The following CXXC4 variants were observed in gnomAD, a reference collection of about 807,000 sequenced individuals.
The protein encoded by CXXC4 is CXXC finger protein 4.
In CXXC4, 5 loss-of-function variants were observed where a neutral mutation model predicts 20.5. The observed-to-expected ratio is 0.24, with a 90% confidence interval of 0.13 to 0.51. CXXC4 has a LOEUF of 0.51. CXXC4 is among the 20% of genes least tolerant of loss of function. The pLI is 0.97. For missense variants in CXXC4, 419 were observed against 496.4 expected (o/e 0.84, Z 1.48); for synonymous variants, 250 against 216.4 (o/e 1.16, Z -1.36).
intron 2 of CXXC4, among the ~76,000 whole-genome samples, chr4:104,480,952 AT>A (rs1248631686): frequency 1.3e-5 from 2 of 149,070 alleles, no homozygotes; most frequent in African/African-American, 5.0e-5. Context: ...CTTTCTTCCA[AT>A]ATAATCTTTT....
At chr4:104,478,230 C>G (rs1231319369) in intron 2 of CXXC4, among the ~76,000 whole-genome samples, 2 of 152,168 alleles carry the variant, frequency 1.3e-5, no homozygotes, top group Admixed American at 1.3e-4. Flanking sequence ...ACCACAGTTA[C>G]CATCACCACT....
intron 2 of CXXC4, among the ~76,000 whole-genome samples, chr4:104,487,876 A>G (rs1323183239): frequency 1.3e-5 from 2 of 152,176 alleles, no homozygotes; most frequent in East Asian, 3.9e-4. Flanking sequence ...AAGCAGAAAA[A>G]TAGAAGGCAG....
In CXXC4 at chr4:104,492,079, T is replaced by G; in HGVS notation, c.-257-20A>C. 3.4e-6 allele frequency: 1 copy of G among 294,658 alleles called. No homozygotes were observed. Among genetic ancestry groups the G allele is most frequent in the Non-Finnish European group, 6.3e-6 (1 of 159,454 alleles). 18.3% of individuals were successfully genotyped at this position (294,658 alleles called of 1,614,324 possible). On this transcript the variant is annotated intron_variant, in intron 1 of 2. Coordinates refer to ENST00000394767, the MANE Select transcript of CXXC4 (RefSeq NM_025212.4). ...TTACAACTAAAATAAAGAAAGTCAT[T>G]CCAACGAGCTGCACGAGGAAAAAGA... is the stretch of plus-strand genomic sequence containing the variant.
chr4:104,489,680 CAA>C (rs527903033), intron 2 of CXXC4, among the ~76,000 whole-genome samples: 33 of 152,114 alleles, frequency 2.2e-4, no homozygotes, highest in Non-Finnish European at 4.4e-4. Context: ...AATATACCAC[CAA>C]AGTCATTTAC....
intron 2 of CXXC4, among the ~76,000 whole-genome samples, chr4:104,475,807 T>C (rs1578315017): frequency 6.6e-6 from 1 of 152,014 alleles, no homozygotes; most frequent in East Asian, 1.9e-4. Flanking sequence ...TTATCCTGAG[T>C]GACAGGAAAG....
chr4:104,482,066 CT>C (rs1440422613), intron 2 of CXXC4, among the ~76,000 whole-genome samples: 1 of 152,190 alleles, frequency 6.6e-6, no homozygotes, highest in Non-Finnish European at 1.5e-5. Context: ...ACATACATTT[CT>C]TTAAGTGTAC....
intron 2 of CXXC4, among the ~76,000 whole-genome samples, chr4:104,484,204 T>C (rs910821938): frequency 5.9e-5 from 9 of 151,984 alleles, no homozygotes; most frequent in African/African-American, 2.2e-4. Flanking sequence ...CCAACAACAT[T>C]AAACTACATA....
At chr4:104,486,146 G>T (rs1736687151) in intron 2 of CXXC4, among the ~76,000 whole-genome samples, 1 of 151,906 alleles carries the variant, frequency 6.6e-6, no homozygotes, top group Non-Finnish European at 1.5e-5. Flanking sequence ...TCTAAAACAT[G>T]GCTTAGAATT....
chr4:104,480,820 T>G (rs905636601), intron 2 of CXXC4, among the ~76,000 whole-genome samples: 1 of 151,996 alleles, frequency 6.6e-6, no homozygotes, highest in Non-Finnish European at 1.5e-5. Flanking sequence ...TTCCTGTATT[T>G]CCTTCCTCTC....
chr4:104,471,619 T>C lies in CXXC4; in HGVS notation c.*703A>G, dbSNP rs538171754. 9 of 152,112 alleles carry C rather than the reference T, an allele frequency of 5.9e-5. No homozygotes were observed. The highest frequency in any genetic ancestry group is 2.2e-4 in the African/African-American group (9 of 41,544). 9.4% of individuals were successfully genotyped at this position (152,112 alleles called of 1,614,324 possible). ...CTACTCTAATATAGTGCTCAAAAGA[T>C]TAATTGAAACTTTCATAACATCTTC... On this transcript the variant is annotated 3_prime_UTR_variant, in exon 3 of 3. Transcript: ENST00000394767.
chr4:104,485,054 C>T (rs532607044), intron 2 of CXXC4, among the ~76,000 whole-genome samples: 3 of 152,042 alleles, frequency 2.0e-5, no homozygotes, highest in East Asian at 3.9e-4. Context: ...TACACATGCA[C>T]AAAATTCTCA....
At position 104,491,116 on chromosome 4, in the gene CXXC4, G is replaced by T; in HGVS notation, c.687C>A (p.Leu229=). The change falls in exon 2 of 3, where the codon CTC becomes CTA. Residue 229 remains leucine, a synonymous_variant. Coordinates refer to ENST00000394767, the MANE Select transcript of CXXC4 (RefSeq NM_025212.4). ...CGAAEAEIMN[L]PERVGTFSAI... ...CGGAAAAAGTCCCCACGCGCTCGGG[G>T]AGATTCATTATCTCTGCTTCAGCAG... 6.2e-7 allele frequency: 1 copy of T among 1,614,100 alleles called. No homozygotes were observed. The highest frequency in any genetic ancestry group is 1.1e-5 in the South Asian group (1 of 91,082).
chr4:104,482,528 C>A (rs1256148974), intron 2 of CXXC4, among the ~76,000 whole-genome samples: 1 of 152,098 alleles, frequency 6.6e-6, no homozygotes, highest in Non-Finnish European at 1.5e-5. Context: ...CTTATCTTCA[C>A]TTAACATTAA....
intron 1 of CXXC4, among the ~76,000 whole-genome samples, chr4:104,492,328 G>A (rs933821714): frequency 9.3e-5 from 14 of 150,616 alleles, no homozygotes; most frequent in African/African-American, 3.4e-4. Context: ...AGGATACCCA[G>A]GGAAAGAAGG....
intron 2 of CXXC4, among the ~76,000 whole-genome samples, chr4:104,484,943 C>A (rs1393387270): frequency 6.6e-6 from 1 of 151,890 alleles, no homozygotes; most frequent in African/African-American, 2.4e-5. Flanking sequence ...TATGCCCCTC[C>A]CCCAATATTT....
At chr4:104,490,049 G>T (rs1243176926) in intron 2 of CXXC4, among the ~76,000 whole-genome samples, 1 of 152,178 alleles carries the variant, frequency 6.6e-6, no homozygotes, top group Non-Finnish European at 1.5e-5. Flanking sequence ...TATCTGCCCT[G>T]AAATTAACTA....
intron 2 of CXXC4, among the ~76,000 whole-genome samples, chr4:104,487,670 A>G (rs773617341): frequency 6.6e-6 from 1 of 152,210 alleles, no homozygotes; most frequent in Non-Finnish European, 1.5e-5. Flanking sequence ...AGCATTTGTA[A>G]TGACTGCTTT....
At position 104,470,758 on chromosome 4, in the gene CXXC4, C is replaced by T. The variant is rs1408135033; in HGVS notation, c.*1564G>A. ...AAAGTTGCAGTAGGTAACTTTGATA[C>T]TCTACATATTTTTGCTAAACCCTGT... On this transcript the variant is annotated 3_prime_UTR_variant, in exon 3 of 3. Coordinates refer to ENST00000394767, the MANE Select transcript of CXXC4 (RefSeq NM_025212.4). 6.6e-6 allele frequency: 1 copy of T among 152,034 alleles called. No homozygotes were observed. Among genetic ancestry groups the T allele is most frequent in the Middle Eastern group, 3.2e-3 (1 of 316 alleles). The allele number at this position is 152,034 out of a possible 1,614,324, so 9.4% of individuals were successfully genotyped here.
chr4:104,490,873 G>C lies in CXXC4; in HGVS notation c.930C>G (p.Val310=). 1 of 1,614,222 alleles carries C rather than the reference G, an allele frequency of 6.2e-7. No individual in the cohort carries two copies. Among genetic ancestry groups the C allele is most frequent in the Non-Finnish European group, 8.5e-7 (1 of 1,180,048 alleles). Residue 310 remains valine, a synonymous_variant, in exon 2 of 3, where the codon GTC becomes GTG. Transcript: ENST00000394767. ...TGATGAGCCTCTTGCAGGGCACGCA[G>C]ACCCCACACCTTTTCCTCTTCTTCT... ...PAKKKRKRCG[V]CVPCKRLINC...
Sources: gnomAD v4.1 joint callset for allele counts (sites outside exome capture counted in the v4.1 genomes callset) on GRCh38, gnomAD v4.1.1 for gene constraint, MANE v1.5 for transcripts, NCBI Gene and HGNC (gene_info 2026-07-23, HGNC 2026-07-21) for gene names.